TRHDE: variants seen among roughly 807,000 people sequenced by gnomAD.
TRHDE encodes the protein thyrotropin releasing hormone degrading enzyme.
A neutral mutation model predicts 125.7 loss-of-function variants in TRHDE; 72 were observed. That is an observed-to-expected ratio of 0.57 (90% confidence interval 0.47 to 0.70). TRHDE has a LOEUF of 0.70. TRHDE is among the 30% of genes least tolerant of loss of function. The pLI is 0.00. For missense variants in TRHDE, 1,110 were observed against 1,327.1 expected (o/e 0.84, Z 2.54); for synonymous variants, 509 against 509.1 (o/e 1.00, Z 0.00).
intron 6 of TRHDE, among the ~76,000 whole-genome samples, chr12:72,524,494 C>A (rs939890711): frequency 2.0e-5 from 3 of 151,620 alleles, no homozygotes; most frequent in Non-Finnish European, 4.4e-5. Context: ...ATTTCCTTTG[C>A]AGATTAATTG....
At chr12:72,521,016 C>T (rs578021972) in intron 6 of TRHDE, among the ~76,000 whole-genome samples, 5 of 152,290 alleles carry the variant, frequency 3.3e-5, no homozygotes, top group South Asian at 2.1e-4. Context: ...CATAATAGCT[C>T]GTGAGTAGCA....
At chr12:72,311,292 A>T (rs575341466) in intron 2 of TRHDE, among the ~76,000 whole-genome samples, 1 of 152,002 alleles carries the variant, frequency 6.6e-6, no homozygotes, top group Non-Finnish European at 1.5e-5. Context: ...GAAACCTGTT[A>T]TTGGACTTCA....
At chr12:72,283,639 C>T (rs1329231673) in intron 1 of TRHDE, among the ~76,000 whole-genome samples, 1 of 152,086 alleles carries the variant, frequency 6.6e-6, no homozygotes, top group Non-Finnish European at 1.5e-5. Context: ...TACTTACTTA[C>T]TTGGTAAGGC....
intron 2 of TRHDE, among the ~76,000 whole-genome samples, chr12:72,327,077 T>A (rs1413139555): frequency 6.6e-6 from 1 of 152,156 alleles, no homozygotes; most frequent in Non-Finnish European, 1.5e-5. Flanking sequence ...TTGATCTTTT[T>A]TTTTTGGTGT....
chr12:72,138,806 A>C (rs545289278), intron 2 of TRHDE, among the ~76,000 whole-genome samples: 1 of 152,220 alleles, frequency 6.6e-6, no homozygotes, highest in Non-Finnish European at 1.5e-5. Context: ...GTGCCCTGAC[A>C]TTGCTGTGAA....
At position 72,665,128 on chromosome 12, in the gene TRHDE, G is replaced by T. The variant is rs1875067516; in HGVS notation, c.*1933G>T. On this transcript the variant is annotated 3_prime_UTR_variant, in exon 19 of 19. Transcript: ENST00000261180. ...TACTAAATATCACACTGCGATGGAG[G>T]TCCCAAATATGTGGTCTATCACCAC... The T allele has an allele frequency of 1.3e-5, 2 of 151,888 alleles. No homozygotes were observed. Among genetic ancestry groups the T allele is most frequent in the African/African-American group, 2.4e-5 (1 of 41,388 alleles). 9.4% of individuals were successfully genotyped at this position (151,888 alleles called of 1,614,324 possible).
At chr12:72,298,838 A>T (rs1406046622) in intron 2 of TRHDE, among the ~76,000 whole-genome samples, 2 of 152,186 alleles carry the variant, frequency 1.3e-5, no homozygotes, top group Non-Finnish European at 2.9e-5. Flanking sequence ...CCTGACCAGG[A>T]TCTGTTTTCC....
intron 2 of TRHDE, among the ~76,000 whole-genome samples, chr12:72,334,191 C>T (rs1367771843): frequency 6.6e-6 from 1 of 152,146 alleles, no homozygotes; most frequent in Non-Finnish European, 1.5e-5. Context: ...TTCAGCAAAT[C>T]ATTCATCATC....
At chr12:72,146,915 C>T (rs8181774) in intron 2 of TRHDE, among the ~76,000 whole-genome samples, 1 of 152,098 alleles carries the variant, frequency 6.6e-6, no homozygotes. Context: ...GAGATGGATG[C>T]GGAGCCGGAA....
intron 2 of TRHDE, among the ~76,000 whole-genome samples, chr12:72,219,651 A>G (rs1877963790): frequency 6.6e-6 from 1 of 152,136 alleles, no homozygotes; most frequent in South Asian, 2.1e-4. Flanking sequence ...GTTGATGACC[A>G]TTACTAAAGG....
intron 2 of TRHDE, among the ~76,000 whole-genome samples, chr12:72,197,772 C>T (rs1167353673): frequency 6.6e-6 from 1 of 152,092 alleles, no homozygotes; most frequent in Non-Finnish European, 1.5e-5. Flanking sequence ...ATCCTGCTTA[C>T]ACTTTAGGTA....
chr12:72,146,394 C>G (rs1876227785), intron 2 of TRHDE, among the ~76,000 whole-genome samples: 2 of 152,206 alleles, frequency 1.3e-5, no homozygotes, highest in Admixed American at 1.3e-4. Flanking sequence ...CTGCCTCCCC[C>G]ATCTGAATTT....
intron 2 of TRHDE, among the ~76,000 whole-genome samples, chr12:72,191,314 A>G (rs1177524874): frequency 1.3e-5 from 2 of 152,126 alleles, no homozygotes; most frequent in African/African-American, 2.4e-5. Flanking sequence ...GTCTTATTGT[A>G]TCAGGGACAG....
intron 15 of TRHDE, among the ~76,000 whole-genome samples, chr12:72,640,371 G>A (rs1023150534): frequency 6.6e-5 from 10 of 152,204 alleles, no homozygotes; most frequent in South Asian, 2.1e-4. Context: ...GCTCGCGCAC[G>A]GTGCGTGCAC....
intron 2 of TRHDE, among the ~76,000 whole-genome samples, chr12:72,314,888 A>G (rs1210276153): frequency 6.6e-6 from 1 of 152,214 alleles, no homozygotes; most frequent in African/African-American, 2.4e-5. Flanking sequence ...ATTTTTAAAA[A>G]CACTGCATTT....
chr12:72,639,964 G>A (rs1254768333), intron 15 of TRHDE, among the ~76,000 whole-genome samples: 1 of 17,540 alleles, frequency 5.7e-5, no homozygotes, highest in African/African-American at 1.5e-4. Flanking sequence ...TTGTTTGTCT[G>A]TGCCCTGCCC....
At chr12:72,102,791 T>A (rs1875099454) in intron 1 of TRHDE, among the ~76,000 whole-genome samples, 1 of 152,218 alleles carries the variant, frequency 6.6e-6, no homozygotes, top group Admixed American at 6.5e-5. Context: ...TGAATAGTCG[T>A]GGATGCACCA....
At chr12:72,161,597 G>A (rs1330423297) in intron 2 of TRHDE, among the ~76,000 whole-genome samples, 1 of 152,176 alleles carries the variant, frequency 6.6e-6, no homozygotes, top group East Asian at 1.9e-4. Flanking sequence ...CTAGAGCCAT[G>A]CTCCAACATA....
At chr12:72,509,143 C>T (rs1321264978) in intron 6 of TRHDE, among the ~76,000 whole-genome samples, 4 of 152,152 alleles carry the variant, frequency 2.6e-5, no homozygotes, top group African/African-American at 9.7e-5. Flanking sequence ...GAATCATTTT[C>T]TGCAACATCT....
Sources: allele counts gnomAD v4.1 joint callset (sites outside exome capture counted in the v4.1 genomes callset), GRCh38; gene constraint gnomAD v4.1.1; transcripts MANE v1.5; gene names NCBI Gene and HGNC (gene_info 2026-07-23, HGNC 2026-07-21).